DOP1B: variants seen among roughly 807,000 people sequenced by gnomAD.
DOP1B encodes the protein DOP1 leucine zipper like protein B.
Under a neutral mutation model 233.5 loss-of-function variants are expected in DOP1B, and 174 were observed. That is an observed-to-expected ratio of 0.75 (90% confidence interval 0.66 to 0.85). The LOEUF (loss-of-function observed/expected upper bound fraction) is 0.85, where lower values mean the gene tolerates loss of function less well. Among genes scored for constraint, DOP1B ranks in the 40% least tolerant of loss-of-function variants. The probability of loss-of-function intolerance (pLI) is 0.00; values close to 1 mark genes in which losing one functional copy is unlikely to be tolerated. For synonymous variants in DOP1B, 1,190 were observed against 1,185.6 expected, an observed-to-expected ratio of 1.00 and a Z score of -0.08; for missense variants, 2,652 against 2,846.6, an observed-to-expected ratio of 0.93 and a Z score of 1.56.
intron 2 of DOP1B, among the ~76,000 whole-genome samples, chr21:36,167,789 T>C (rs1340135087): frequency 6.6e-6 from 1 of 151,704 alleles, no homozygotes; most frequent in South Asian, 2.1e-4. Flanking sequence ...ATACCACATG[T>C]GGCTTTTTGT....
chr21:36,171,230 G>A (rs1054454871), intron 2 of DOP1B, among the ~76,000 whole-genome samples: 3 of 152,114 alleles, frequency 2.0e-5, no homozygotes, highest in African/African-American at 7.2e-5. Flanking sequence ...CTTACGTAAG[G>A]GGAAAGGGCT....
Position 36,245,932 on chromosome 21 carries a change from C to G in DOP1B, c.3952C>G (p.Leu1318Val). The G allele has an allele frequency of 1.2e-6, 2 of 1,613,984 alleles. No homozygotes were observed. Among genetic ancestry groups the G allele is most frequent in the Non-Finnish European group, 1.7e-6 (2 of 1,180,026 alleles). ...TCTGCTCCTGGAGCTGCTCACCTAC[C>G]TCTGCCTGAGCTTCCTGCGCTCCTA... ...HSLLLELLTY[L>V]CLSFLRSYYP... The change falls in exon 19 of 37, where the codon CTC (leucine) becomes GTC (valine). Residue 1318 changes from leucine (L) to valine (V), a missense_variant. By Grantham distance (32) the Leu-to-Val change is conservative (BLOSUM62 1). Around this residue, in one of 3 missense-constraint regions of DOP1B, gnomAD observed 2,617 missense variants for 2,794.3 expected, o/e 0.94. Coordinates refer to ENST00000691173, the MANE Select transcript of DOP1B (RefSeq NM_001320714.2). The surrounding 1 kb of genome is among the most constrained non-coding windows in gnomAD (Gnocchi z 5.5).
Position 36,200,379 on chromosome 21 carries a change from G to A in DOP1B, c.369G>A (p.Pro123=), listed in dbSNP as rs368105209. 50 of 1,612,732 alleles carry A rather than the reference G, an allele frequency of 3.1e-5. No homozygotes were observed. The African/African-American group carries it at 4.3e-4, about 14-fold the overall frequency. Residue 123 remains proline (P), a synonymous_variant, in exon 4 of 37, where the codon CCG becomes CCA. Coordinates refer to ENST00000691173, the MANE Select transcript of DOP1B (RefSeq NM_001320714.2). ...LLAHAAVSVR[P]VLLTLYEKYF... ...CACACGCGGCGGTGTCGGTGAGGCC[G>A]GTGCTGCTCACCCTGTACGAGAAGT...
intron 4 of DOP1B, among the ~76,000 whole-genome samples, chr21:36,200,935 T>C (rs1391034404): frequency 6.6e-6 from 1 of 151,890 alleles, no homozygotes; most frequent in Non-Finnish European, 1.5e-5. Context: ...TCCTTGGTGG[T>C]TGTGATTTCA....
At chr21:36,277,893 C>G in intron 28 of DOP1B, 82 bp from the exon 29 acceptor site, 1 of 1,124,692 alleles carries the variant, frequency 8.9e-7, no homozygotes, top group African/African-American at 1.5e-5. Context: ...CCGCCCTCCT[C>G]AGCCTCCCGA....
chr21:36,207,895 G>C (rs1289527320), intron 4 of DOP1B, among the ~76,000 whole-genome samples: 2 of 152,228 alleles, frequency 1.3e-5, no homozygotes, highest in Non-Finnish European at 2.9e-5. Context: ...GACAGGGAAA[G>C]GGCCGCAGTC....
intron 18 of DOP1B, among the ~76,000 whole-genome samples, chr21:36,241,832 C>T (rs867986821): frequency 5.3e-5 from 8 of 151,336 alleles, no homozygotes; most frequent in Non-Finnish European, 8.8e-5. Flanking sequence ...TGAGCCACCA[C>T]GCCTGGCTAT....
intron 32 of DOP1B, among the ~76,000 whole-genome samples, chr21:36,285,354 C>G (rs1394770134): frequency 6.6e-6 from 1 of 152,136 alleles, no homozygotes; most frequent in Non-Finnish European, 1.5e-5. Flanking sequence ...GCCACCATGT[C>G]TGGCCGGGAA....
At chr21:36,208,638 A>G (rs1455435197) in intron 4 of DOP1B, 77 bp from the exon 5 acceptor site, 4 of 1,451,620 alleles carry the variant, frequency 2.8e-6, no homozygotes, top group Admixed American at 2.2e-5. Flanking sequence ...TTCTTCATGC[A>G]GCATTCGCAG....
chr21:36,228,289 C>A (rs1457339194), intron 13 of DOP1B, among the ~76,000 whole-genome samples: 1 of 151,766 alleles, frequency 6.6e-6, no homozygotes. Flanking sequence ...ATGGCAAAAC[C>A]CCATCTCTAT....
At chr21:36,262,212 T>A (rs1262606721) in intron 24 of DOP1B, among the ~76,000 whole-genome samples, 1 of 152,186 alleles carries the variant, frequency 6.6e-6, no homozygotes, top group African/African-American at 2.4e-5. Context: ...ACTTCCCTCC[T>A]GTGACAGCGA....
intron 35 of DOP1B, among the ~76,000 whole-genome samples, chr21:36,289,424 GGTGTGTGTGTGTGTGTGT>G (rs59907412): frequency 0.011 from 1,558 of 145,046 alleles, 30 homozygotes; most frequent in African/African-American, 0.036. Flanking sequence ...GTGTTTCTAT[GGTGTGTGTGTGTGTGTGT>G]GTGTGTGTGT....
At chr21:36,212,808 G>A (rs2123498772) in intron 7 of DOP1B, among the ~76,000 whole-genome samples, 1 of 152,292 alleles carries the variant, frequency 6.6e-6, no homozygotes, top group South Asian at 2.1e-4. Context: ...TTGAGATGGA[G>A]TTTCACTCCG....
At chr21:36,254,395 A>G (rs894051344) in intron 23 of DOP1B, among the ~76,000 whole-genome samples, 4 of 152,104 alleles carry the variant, frequency 2.6e-5, no homozygotes, top group African/African-American at 9.7e-5. Context: ...AGGATGAGGG[A>G]GGAGGGAGGG....
rs1388538761 is a variant in DOP1B at position 36,225,566 on chromosome 21, C to T, written c.1372C>T (p.Pro458Ser). The T allele has an allele frequency of 1.9e-6, 3 of 1,613,928 alleles. No individual in the cohort carries two copies. Among genetic ancestry groups the T allele is most frequent in the African/African-American group, 2.7e-5 (2 of 74,886 alleles). The change falls in exon 12 of 37, where the codon CCA (proline) becomes TCA (serine). Residue 458 changes from proline to serine, a missense_variant and splice_region_variant. Pro to Ser is a moderately conservative substitution (Grantham distance 74). Coordinates refer to ENST00000691173, the MANE Select transcript of DOP1B (RefSeq NM_001320714.2). ...TTTTTTCTTTGCTGTGATTTATAGA[C>T]CAGTGAAGCAGCGTTACAGCGTGAG... ...MTRCFEECFR[P>S]VKQRYSVRNS...
At chr21:36,177,566 TG>T (rs573425710) in intron 2 of DOP1B, among the ~76,000 whole-genome samples, 5 of 152,058 alleles carry the variant, frequency 3.3e-5, no homozygotes, top group Non-Finnish European at 7.4e-5. Flanking sequence ...ATATTGGGGT[TG>T]GGGGGGCCTT....
intron 9 of DOP1B, among the ~76,000 whole-genome samples, chr21:36,217,212 G>T (rs1449749071): frequency 6.6e-6 from 1 of 152,244 alleles, no homozygotes; most frequent in Admixed American, 6.5e-5. Context: ...CAGCTCTAGG[G>T]GGACAAAAGG....
At chr21:36,235,274 C>G (rs2066812646) in intron 15 of DOP1B, among the ~76,000 whole-genome samples, 1 of 152,136 alleles carries the variant, frequency 6.6e-6, no homozygotes. Flanking sequence ...CCTGCGGGAA[C>G]AGCTCACATA....
intron 18 of DOP1B, among the ~76,000 whole-genome samples, chr21:36,241,693 C>CTTTTTT (rs58454212): frequency 3.3e-4 from 35 of 105,504 alleles, no homozygotes; most frequent in East Asian, 5.8e-4. Flanking sequence ...TTCTTTCTTT[C>CTTTTTT]TTTTTTTTTT....
Sources: allele counts gnomAD v4.1 joint callset (sites outside exome capture counted in the v4.1 genomes callset), GRCh38; gene constraint gnomAD v4.1.1; regional missense constraint gnomAD v4.1.1; non-coding constraint Gnocchi (gnomAD v3.1); transcripts MANE v1.5; gene names NCBI Gene and HGNC (gene_info 2026-07-23, HGNC 2026-07-21).